Variants in EBF1 observed in about 807,000 individuals in gnomAD.
The protein encoded by EBF1 is EBF transcription factor 1, also known as transcription factor COE1.
A neutral mutation model predicts 68.4 loss-of-function variants in EBF1; 10 were observed. The observed-to-expected ratio is 0.15, with a 90% CI of 0.09 to 0.25. The LOEUF (loss-of-function observed/expected upper bound fraction) is 0.25, where lower values mean the gene tolerates loss of function less well. EBF1 is among the 10% of genes least tolerant of loss of function. The probability of loss-of-function intolerance (pLI) is 1.00; values close to 1 mark genes in which losing one functional copy is unlikely to be tolerated. For synonymous variants in EBF1, 298 were observed against 299.8 expected (o/e 0.99, Z 0.06); for missense variants, 509 against 794.4 (o/e 0.64, Z 4.32).
intron 6 of EBF1, among the ~76,000 whole-genome samples, chr5:158,927,783 A>G (rs1562320968): frequency 1.3e-5 from 2 of 152,214 alleles, no homozygotes; most frequent in Non-Finnish European, 2.9e-5. Context: ...ACTATGTTCC[A>G]GGCACTGTTC....
chr5:158,896,024 G>T (rs1467527346), intron 6 of EBF1, among the ~76,000 whole-genome samples: 2 of 152,126 alleles, frequency 1.3e-5, no homozygotes. Context: ...ACAAGGAAGA[G>T]AAAAATTAAA....
intron 10 of EBF1, among the ~76,000 whole-genome samples, chr5:158,735,791 T>C (rs773636404): frequency 6.6e-6 from 1 of 152,226 alleles, no homozygotes; most frequent in African/African-American, 2.4e-5. Flanking sequence ...TCTCATCATC[T>C]CAGAGTCCCC....
chr5:158,970,531 A>G (rs1206269833), intron 6 of EBF1, among the ~76,000 whole-genome samples: 1 of 152,222 alleles, frequency 6.6e-6, no homozygotes. Context: ...TTCTCATTAT[A>G]TTACATTGTG....
At chr5:158,928,504 C>G (rs1193865838) in intron 6 of EBF1, among the ~76,000 whole-genome samples, 1 of 152,162 alleles carries the variant, frequency 6.6e-6, no homozygotes, top group Non-Finnish European at 1.5e-5. Flanking sequence ...ACATCAAAAT[C>G]ACATTAATTG....
intron 6 of EBF1, among the ~76,000 whole-genome samples, chr5:158,955,050 C>T (rs1392818674): frequency 6.6e-6 from 1 of 152,022 alleles, no homozygotes; most frequent in South Asian, 2.1e-4. Context: ...TTGGGCCGGG[C>T]GCAGTGGCTC....
At chr5:158,805,792 G>A (rs879794341) in intron 8 of EBF1, among the ~76,000 whole-genome samples, 27 of 151,928 alleles carry the variant, frequency 1.8e-4, no homozygotes, top group Non-Finnish European at 3.2e-4. Context: ...AAGATTAGAT[G>A]ATGTATAATT....
intron 6 of EBF1, among the ~76,000 whole-genome samples, chr5:158,872,301 A>T (rs1311317852): frequency 6.6e-6 from 1 of 151,434 alleles, no homozygotes; most frequent in African/African-American, 2.4e-5. Context: ...GGTTCCATCG[A>T]TTCTCTTGTC....
At chr5:158,953,448 C>T (rs1478021971) in intron 6 of EBF1, among the ~76,000 whole-genome samples, 1 of 152,092 alleles carries the variant, frequency 6.6e-6, no homozygotes, top group Non-Finnish European at 1.5e-5. Flanking sequence ...CTGTCCAGTC[C>T]GGAGAGTTTG....
intron 10 of EBF1, among the ~76,000 whole-genome samples, chr5:158,764,098 T>C (rs1220791718): frequency 6.6e-6 from 1 of 152,212 alleles, no homozygotes; most frequent in African/African-American, 2.4e-5. Context: ...TATATTCTCA[T>C]TCCTATTTTG....
At chr5:159,033,895 G>A (rs1769469961) in intron 6 of EBF1, among the ~76,000 whole-genome samples, 1 of 151,930 alleles carries the variant, frequency 6.6e-6, no homozygotes, top group African/African-American at 2.4e-5. Context: ...TTGTCTCCTG[G>A]GACATCTAAT....
chr5:158,750,598 C>T (rs1291310252), intron 10 of EBF1, among the ~76,000 whole-genome samples: 1 of 152,036 alleles, frequency 6.6e-6, no homozygotes, highest in Non-Finnish European at 1.5e-5. Flanking sequence ...TTAATATTCT[C>T]ACTTTACGGC....
At chr5:158,751,148 A>G (rs1222048788) in intron 10 of EBF1, among the ~76,000 whole-genome samples, 1 of 152,192 alleles carries the variant, frequency 6.6e-6, no homozygotes, top group Non-Finnish European at 1.5e-5. Context: ...TATGAAAGAA[A>G]TATACAAAAA....
chr5:158,823,352 A>C (rs376466822), intron 7 of EBF1, 35 bp from the exon 8 acceptor site: 38 of 1,581,884 alleles, frequency 2.4e-5, no homozygotes, highest in Non-Finnish European at 2.9e-5. Flanking sequence ...TGAACATTTT[A>C]ATATAAAAGC....
intron 6 of EBF1, among the ~76,000 whole-genome samples, chr5:158,913,225 G>A (rs1429417935): frequency 6.6e-6 from 1 of 152,110 alleles, no homozygotes; most frequent in Non-Finnish European, 1.5e-5. Context: ...ATCATTTGTG[G>A]CATTCTTTTA....
chr5:158,997,037 G>A (rs1032071585), intron 6 of EBF1, among the ~76,000 whole-genome samples: 15 of 152,168 alleles, frequency 9.9e-5, no homozygotes, highest in African/African-American at 3.6e-4. Context: ...CACAGCACAC[G>A]TATGAACACA....
At chr5:158,772,568 T>C (rs754819323) in intron 10 of EBF1, among the ~76,000 whole-genome samples, 6 of 152,190 alleles carry the variant, frequency 3.9e-5, no homozygotes, top group Non-Finnish European at 5.9e-5. Flanking sequence ...TTAAGCAAAT[T>C]ATTACATTTA....
chr5:158,750,485 A>T (rs1249455481), intron 10 of EBF1, among the ~76,000 whole-genome samples: 2 of 152,122 alleles, frequency 1.3e-5, no homozygotes, highest in Non-Finnish European at 2.9e-5. Flanking sequence ...TCCAAAATGA[A>T]TCTAGTTTGC....
Position 159,098,132 on chromosome 5 carries a change from G to T in EBF1, c.135-1002C>A, listed in dbSNP as rs567667717. ...TAGTCATCTTCCTTCTTCCCCTTCC[G>T]CACTCTGAGTCCGATAGGGCCTGGG... On this transcript the variant is annotated intron_variant, in intron 1 of 15. Coordinates refer to ENST00000313708, the MANE Select transcript of EBF1 (RefSeq NM_024007.5). Among the ~76,000 whole-genome samples the T allele has an allele frequency of 1.1e-4, 16 of 152,344 alleles. 1 individual carries two copies. Among genetic ancestry groups the T allele is most frequent in the Admixed American group, 5.2e-4 (8 of 15,308 alleles).
chr5:158,773,638 T>C (rs995312521), intron 10 of EBF1, among the ~76,000 whole-genome samples: 2 of 152,052 alleles, frequency 1.3e-5, no homozygotes, highest in African/African-American at 4.8e-5. Flanking sequence ...TGAAAATTCT[T>C]ACAGAAAATA....
Sources: gnomAD v4.1 joint callset for allele counts (sites outside exome capture counted in the v4.1 genomes callset) on GRCh38, gnomAD v4.1.1 for gene constraint, MANE v1.5 for transcripts, NCBI Gene and HGNC (gene_info 2026-07-23, HGNC 2026-07-21) for gene names.